The following TRABD2B variants were observed in gnomAD, a reference collection of about 807,000 sequenced individuals.
The protein encoded by TRABD2B is metalloprotease TIKI2.
TRABD2B carries 14 observed loss-of-function variants against 40.1 expected under a neutral mutation model. The ratio of observed to expected loss-of-function variants is 0.35; its 90% confidence interval spans 0.23 to 0.55. TRABD2B has a LOEUF of 0.55. Among genes scored for constraint, TRABD2B ranks in the 20% least tolerant of loss-of-function variants. The pLI is 0.90. For synonymous variants in TRABD2B, 263 were observed against 277.0 expected, an observed-to-expected ratio of 0.95 and a Z score of 0.50; for missense variants, 541 against 648.6, an observed-to-expected ratio of 0.83 and a Z score of 1.80.
At chr1:47,842,957 A>G (rs1226488637) in intron 2 of TRABD2B, among the ~76,000 whole-genome samples, 1 of 152,150 alleles carries the variant, frequency 6.6e-6, no homozygotes, top group East Asian at 1.9e-4. Flanking sequence ...TGAAGGGGCT[A>G]AGAGAGCTGT....
chr1:47,979,117 C>A (rs1227850399), intron 2 of TRABD2B, among the ~76,000 whole-genome samples: 1 of 152,150 alleles, frequency 6.6e-6, no homozygotes, highest in Admixed American at 6.5e-5. Flanking sequence ...CCAAGGACTG[C>A]CGTGGGAAGT....
At chr1:47,971,572 A>T (rs1303049701) in intron 2 of TRABD2B, among the ~76,000 whole-genome samples, 1 of 152,202 alleles carries the variant, frequency 6.6e-6, no homozygotes, top group African/African-American at 2.4e-5. Flanking sequence ...CTACACTCAG[A>T]TACCACACCT....
chr1:47,919,801 C>T (rs1021638092), intron 2 of TRABD2B, among the ~76,000 whole-genome samples: 1 of 152,170 alleles, frequency 6.6e-6, no homozygotes, highest in Non-Finnish European at 1.5e-5. Flanking sequence ...CACAGCACTG[C>T]ATGTCAAGTG....
At chr1:47,768,455 C>T (rs989413645) in intron 6 of TRABD2B, among the ~76,000 whole-genome samples, 3 of 152,136 alleles carry the variant, frequency 2.0e-5, no homozygotes, top group Non-Finnish European at 4.4e-5. Flanking sequence ...GTTCTCTCAA[C>T]ACATACCACC....
At chr1:47,787,166 A>G (rs1383088174) in intron 4 of TRABD2B, among the ~76,000 whole-genome samples, 1 of 152,210 alleles carries the variant, frequency 6.6e-6, no homozygotes, top group African/African-American at 2.4e-5. Flanking sequence ...TATGGAGATG[A>G]TGAGTAAACT....
At chr1:47,937,384 CCAT>C (rs1264829144) in intron 2 of TRABD2B, among the ~76,000 whole-genome samples, 1 of 151,256 alleles carries the variant, frequency 6.6e-6, no homozygotes, top group Non-Finnish European at 1.5e-5. Context: ...ATCACCATCA[CCAT>C]CATAATCATC....
At chr1:47,767,566 G>C (rs1644321495) in intron 6 of TRABD2B, among the ~76,000 whole-genome samples, 1 of 152,232 alleles carries the variant, frequency 6.6e-6, no homozygotes, top group African/African-American at 2.4e-5. Flanking sequence ...GGAAGAAACT[G>C]AGGCACAAAG....
intron 2 of TRABD2B, among the ~76,000 whole-genome samples, chr1:47,962,404 T>C (rs556561849): frequency 3.9e-5 from 6 of 152,238 alleles, no homozygotes; most frequent in Admixed American, 6.5e-5. Context: ...ACCCAACTCA[T>C]TGACTGCAGC....
At chr1:47,784,687 G>A (rs1033316121) in intron 4 of TRABD2B, among the ~76,000 whole-genome samples, 5 of 152,232 alleles carry the variant, frequency 3.3e-5, no homozygotes, top group African/African-American at 1.2e-4. Flanking sequence ...TATGACAGGA[G>A]GGCTGGATGG....
rs549723418 is a variant in TRABD2B at position 47,843,222 on chromosome 1, AC to A, written c.667-41604del. Among the ~76,000 whole-genome samples, 105 of 152,190 alleles carry A rather than the reference AC, an allele frequency of 6.9e-4. 1 individual carries two copies. The highest frequency in any genetic ancestry group is 2.4e-3 in the African/African-American group (98 of 41,516). ...GAGGGTTTTAAGCCGGGGGCATAAG[AC>A]CTGATTTGCATGTTAAAGGCTCCCT... On this transcript the variant is annotated intron_variant, in intron 2 of 6. Transcript: ENST00000606738.
chr1:47,761,265 G>A lies in TRABD2B; in HGVS notation c.*4637C>T, dbSNP rs190577751. ...CAGCTCCCACTTGGAGAAAGGGTGA[G>A]GATAGCCGATGCTCCCTGGAAAGAG... On this transcript the variant is annotated 3_prime_UTR_variant, in exon 7 of 7. Transcript: ENST00000606738. 4 of 152,490 alleles carry A rather than the reference G, an allele frequency of 2.6e-5. No individual in the cohort carries two copies. Among genetic ancestry groups the A allele is most frequent in the Admixed American group, 2.6e-4 (4 of 15,310 alleles). The allele number at this position is 152,490 out of a possible 1,614,324, so 9.4% of individuals were successfully genotyped here.
At chr1:47,963,226 T>C (rs1259289928) in intron 2 of TRABD2B, among the ~76,000 whole-genome samples, 2 of 152,248 alleles carry the variant, frequency 1.3e-5, no homozygotes, top group African/African-American at 2.4e-5. Flanking sequence ...AATAGGTGAC[T>C]TGCAATATGC....
chr1:47,865,345 C>A (rs887778421), intron 2 of TRABD2B, among the ~76,000 whole-genome samples: 1 of 151,946 alleles, frequency 6.6e-6, no homozygotes, highest in Non-Finnish European at 1.5e-5. Flanking sequence ...TTCTATTTTA[C>A]AAGCTGACCC....
intron 3 of TRABD2B, among the ~76,000 whole-genome samples, chr1:47,801,260 T>C (rs1569978718): frequency 1.3e-5 from 2 of 152,196 alleles, no homozygotes; most frequent in African/African-American, 4.8e-5. Flanking sequence ...CTGGCTCAAG[T>C]TGCTGCTCTT....
chr1:47,943,757 A>AAC (rs10554684), intron 2 of TRABD2B, among the ~76,000 whole-genome samples: 21,162 of 146,582 alleles, frequency 0.14, 1,674 homozygotes, highest in Admixed American at 0.19. Flanking sequence ...GCATCCAGAA[A>AAC]ACACACACAC....
At chr1:47,907,766 G>A (rs1234727633) in intron 2 of TRABD2B, among the ~76,000 whole-genome samples, 1 of 152,232 alleles carries the variant, frequency 6.6e-6, no homozygotes, top group Non-Finnish European at 1.5e-5. Flanking sequence ...AACCCTCACA[G>A]TGTTTCCTTT....
chr1:47,801,477 G>C lies in TRABD2B; in HGVS notation c.809C>G (p.Ser270Cys). The part of the protein sequence containing the change: ...LSAVIFNHDT[S>C]QLPNFINTTL... ...GTCTTTGGAGAGGAGCCTCACCTGGGATGTGTCGTGGTTGAAGATGACTGC... is the reference window on the plus strand; with the variant it reads ...GTCTTTGGAGAGGAGCCTCACCTGGCATGTGTCGTGGTTGAAGATGACTGC... Residue 270 changes from serine (S) to cysteine (C), a missense_variant, in exon 3 of 7, where the codon TCC (serine) becomes TGC (cysteine). Coordinates refer to ENST00000606738, the MANE Select transcript of TRABD2B (RefSeq NM_001194986.2). 1.3e-6 allele frequency: 2 copies of C among 1,535,974 alleles called. No individual in the cohort carries two copies. Among genetic ancestry groups the C allele is most frequent in the Non-Finnish European group, 1.7e-6 (2 of 1,146,796 alleles).
chr1:47,994,366 C>A lies in TRABD2B; in HGVS notation c.334G>T (p.Val112Leu). 6.5e-7 allele frequency: 1 copy of A among 1,536,168 alleles called. No individual in the cohort carries two copies. Residue 112 changes from valine to leucine, a missense_variant, in exon 2 of 7, where the codon GTG (valine) becomes TTG (leucine). By Grantham distance (32) the Val-to-Leu change is conservative. Transcript: ENST00000606738. This position sits in a 1 kb window ranked among gnomAD's most constrained non-coding sequence, Gnocchi z 6.7. ...LLPHGENLQD[V>L]LPHELYWRLK... ...CGCCAGTAAAGCTCGTGGGGCAGCA[C>A]GTCCTGCAGGTTTTCCCCGTGCGGC...
At position 47,813,453 on chromosome 1, in the gene TRABD2B, A is replaced by G. The variant is rs142464244; in HGVS notation, c.667-11834T>C. 6.6e-6 allele frequency among the ~76,000 whole-genome samples: 1 copy of G among 152,296 alleles called. No individual in the cohort carries two copies. Among genetic ancestry groups the G allele is most frequent in the African/African-American group, 2.4e-5 (1 of 41,564 alleles). ...TTGTCTGCTAAGCCACCGGTTACCA[A>G]GCCTTCAGAGACAAACAGCAGCTGA... On this transcript the variant is annotated intron_variant, in intron 2 of 6. Transcript: ENST00000606738. This position sits in a 1 kb window ranked among gnomAD's most constrained non-coding sequence, Gnocchi z 4.3.
Sources: gnomAD v4.1 joint callset for allele counts (sites outside exome capture counted in the v4.1 genomes callset) on GRCh38, gnomAD v4.1.1 for gene constraint, Gnocchi (gnomAD v3.1) non-coding constraint, MANE v1.5 for transcripts, NCBI Gene and HGNC (gene_info 2026-07-23, HGNC 2026-07-21) for gene names.